EYS: variants seen among roughly 807,000 people sequenced by gnomAD.
EYS encodes the protein protein eyes shut homolog.
In EYS, 250 loss-of-function variants were observed where a neutral mutation model predicts 282.1. The observed-to-expected ratio is 0.89, with a 90% CI of 0.80 to 0.98. The LOEUF is 0.98. Ranked by LOEUF, EYS falls within the 50% of genes least tolerant of loss-of-function variation. The probability of loss-of-function intolerance (pLI) is 0.00; values close to 1 mark genes in which losing one functional copy is unlikely to be tolerated. For synonymous variants in EYS, 1,355 were observed against 1,282.9 expected (o/e 1.06, Z -1.20); for missense variants, 4,016 against 3,709.0 (o/e 1.08, Z -2.15).
chr6:64,599,001 A>G (rs1766674900), intron 24 of EYS, among the ~76,000 whole-genome samples: 1 of 152,186 alleles, frequency 6.6e-6, no homozygotes. Flanking sequence ...AATGCTTAAT[A>G]TATTTACACA....
Position 65,384,529 on chromosome 6 carries a change from A to C in EYS, c.1185-29T>G, listed in dbSNP as rs769319595. On this transcript the variant is annotated intron_variant, in intron 7 of 42. Coordinates refer to ENST00000503581, the MANE Select transcript of EYS (RefSeq NM_001142800.2). ...TAAATACATCAGTGTAAATTAGAAA[A>C]ATTATAATTTAAATGTTTTCAGAAA... 3.7e-6 allele frequency: 4 copies of C among 1,093,222 alleles called. No individual in the cohort carries two copies. In the African/African-American group the frequency reaches 6.2e-5, roughly 17 times the overall value. The allele number at this position is 1,093,222 out of a possible 1,614,324, so 67.7% of individuals were successfully genotyped here.
intron 36 of EYS, among the ~76,000 whole-genome samples, chr6:63,829,805 C>A (rs183453637): frequency 6.6e-6 from 1 of 152,344 alleles, no homozygotes; most frequent in Admixed American, 6.5e-5. Context: ...AACTGGGAGA[C>A]ACCTCCCAGT....
chr6:65,441,971 T>G (rs1281884401), intron 5 of EYS, among the ~76,000 whole-genome samples: 1 of 152,062 alleles, frequency 6.6e-6, no homozygotes, highest in Non-Finnish European at 1.5e-5. Context: ...AGAGGCCTTC[T>G]GGAGATCTTT....
At chr6:64,940,745 T>C (rs964385002) in intron 15 of EYS, among the ~76,000 whole-genome samples, 9 of 152,036 alleles carry the variant, frequency 5.9e-5, no homozygotes, top group Admixed American at 3.3e-4. Flanking sequence ...TTGCCAGCTA[T>C]TGTGGAATTC....
intron 19 of EYS, among the ~76,000 whole-genome samples, chr6:64,844,851 T>C (rs538107065): frequency 6.6e-6 from 1 of 152,322 alleles, no homozygotes; most frequent in South Asian, 2.1e-4. Context: ...ATTATTTTGC[T>C]GTGATGTTCA....
intron 35 of EYS, among the ~76,000 whole-genome samples, chr6:63,899,879 G>A (rs116178991): frequency 0.011 from 1,735 of 152,276 alleles, 37 homozygotes; most frequent in African/African-American, 0.04. Flanking sequence ...ATTCCTTAAG[G>A]AGTAAAGAGA....
At chr6:64,357,246 G>T (rs2150406650) in intron 29 of EYS, among the ~76,000 whole-genome samples, 1 of 151,722 alleles carries the variant, frequency 6.6e-6, no homozygotes, top group Middle Eastern at 3.4e-3. Context: ...ATAGACAATT[G>T]TCAATGACCT....
rs771640639 is a variant in EYS at position 63,720,676 on chromosome 6, GA to G, written c.9354del (p.Gln3119ArgfsTer8). 3 of 1,542,426 alleles carry G rather than the reference GA, an allele frequency of 1.9e-6. No individual in the cohort carries two copies. Among genetic ancestry groups the G allele is most frequent in the African/African-American group, 1.4e-5 (1 of 72,448 alleles). ...FVGKIKDVVFFQEPKNIELIK... is the reference protein window; with the variant it reads ...FVGKIKDVVFXQEPKNIELIK... ...ATTAGTTCAATGTTTTTTGGTTCCTGAAAAAATACAACATCTTTAATTTTGC... is the reference window on the plus strand; with the variant it reads ...ATTAGTTCAATGTTTTTTGGTTCCTGAAAAATACAACATCTTTAATTTTGC... On this transcript the variant is annotated frameshift_variant, in exon 43 of 43. Transcript: ENST00000503581. LOFTEE classifies it high-confidence loss of function.
intron 36 of EYS, among the ~76,000 whole-genome samples, chr6:63,808,141 A>C (rs1392848111): frequency 6.6e-6 from 1 of 152,172 alleles, no homozygotes; most frequent in African/African-American, 2.4e-5. Context: ...CTAGTCACTC[A>C]AGGGATTAGT....
intron 22 of EYS, among the ~76,000 whole-genome samples, chr6:64,725,027 G>A (rs1771707597): frequency 2.0e-5 from 3 of 152,042 alleles, no homozygotes. Flanking sequence ...AAATGTAAAA[G>A]TGTATATTTA....
intron 13 of EYS, among the ~76,000 whole-genome samples, chr6:65,045,490 C>CT (rs1387066236): frequency 6.6e-6 from 1 of 151,808 alleles, no homozygotes; most frequent in Non-Finnish European, 1.5e-5. Context: ...GGGAAAACCT[C>CT]TCGAATAATT....
At chr6:64,106,621 T>C (rs1773020833) in intron 31 of EYS, among the ~76,000 whole-genome samples, 1 of 146,486 alleles carries the variant, frequency 6.8e-6, no homozygotes, top group African/African-American at 2.4e-5. Flanking sequence ...TTCATGTAGC[T>C]GGTTTTGTGT....
At chr6:64,447,413 A>T (rs1192115974) in intron 26 of EYS, among the ~76,000 whole-genome samples, 1 of 152,092 alleles carries the variant, frequency 6.6e-6, no homozygotes, top group Non-Finnish European at 1.5e-5. Context: ...TACTTAGTAT[A>T]TGATAGGTTT....
chr6:65,655,332 A>C (rs531244406), intron 1 of EYS, among the ~76,000 whole-genome samples: 1 of 151,844 alleles, frequency 6.6e-6, no homozygotes, highest in Admixed American at 6.6e-5. Context: ...AATGAGGGGA[A>C]AAATAACATC....
chr6:65,150,125 C>T (rs893942343), intron 12 of EYS, among the ~76,000 whole-genome samples: 5 of 151,998 alleles, frequency 3.3e-5, no homozygotes, highest in African/African-American at 1.2e-4. Flanking sequence ...ATGGGAACTA[C>T]AATTCAAGAT....
chr6:65,232,300 A>G (rs1582045240), intron 12 of EYS, among the ~76,000 whole-genome samples: 1 of 152,078 alleles, frequency 6.6e-6, no homozygotes. Context: ...GAAAAAAGTA[A>G]TATTTGATTT....
chr6:64,261,900 G>A (rs1447228900), intron 30 of EYS, among the ~76,000 whole-genome samples: 1 of 151,786 alleles, frequency 6.6e-6, no homozygotes, highest in Non-Finnish European at 1.5e-5. Context: ...GGGACTACAG[G>A]TGTGCACCAC....
At chr6:65,018,426 T>A (rs539205049) in intron 13 of EYS, among the ~76,000 whole-genome samples, 1 of 152,198 alleles carries the variant, frequency 6.6e-6, no homozygotes, top group Non-Finnish European at 1.5e-5. Context: ...CTCTCAATAT[T>A]TGTCTGTGTC....
chr6:64,162,850 A>G (rs936724896), intron 31 of EYS, among the ~76,000 whole-genome samples: 3 of 152,152 alleles, frequency 2.0e-5, no homozygotes, highest in Non-Finnish European at 4.4e-5. Context: ...TGTATTATTC[A>G]TTTTAGCTTC....
Sources: gnomAD v4.1 joint callset for allele counts (sites outside exome capture counted in the v4.1 genomes callset) on GRCh38, gnomAD v4.1.1 for gene constraint, MANE v1.5 for transcripts, NCBI Gene and HGNC (gene_info 2026-07-23, HGNC 2026-07-21) for gene names.